Variants in ABLIM3 observed in about 807,000 individuals in gnomAD.
The protein encoded by ABLIM3 is actin binding LIM protein family member 3.
A neutral mutation model predicts 109.5 loss-of-function variants in ABLIM3; 61 were observed. The ratio of observed to expected loss-of-function variants is 0.56; its 90% CI spans 0.45 to 0.69. The LOEUF is 0.69. Ranked by LOEUF, ABLIM3 falls within the 30% of genes least tolerant of loss-of-function variation. The pLI is 0.00. For synonymous variants in ABLIM3, 300 were observed against 324.8 expected (o/e 0.92, Z 0.82); for missense variants, 796 against 889.5 (o/e 0.89, Z 1.34).
intron 8 of ABLIM3, among the ~76,000 whole-genome samples, chr5:149,227,262 T>C (rs1761401447): frequency 6.6e-6 from 1 of 152,096 alleles, no homozygotes; most frequent in Non-Finnish European, 1.5e-5. Context: ...GGCTGACAGA[T>C]AGTTTTGGAG....
At chr5:149,211,831 G>A (rs1429191054) in intron 7 of ABLIM3, among the ~76,000 whole-genome samples, 1 of 152,090 alleles carries the variant, frequency 6.6e-6, no homozygotes, top group Non-Finnish European at 1.5e-5. Flanking sequence ...GGTGGGAAAA[G>A]ATAGAGGAAG....
At chr5:149,185,169 T>C (rs1756840918) in intron 3 of ABLIM3, among the ~76,000 whole-genome samples, 1 of 152,218 alleles carries the variant, frequency 6.6e-6, no homozygotes, top group South Asian at 2.1e-4. Flanking sequence ...GTTTATTTAG[T>C]TCATGATTCT....
At chr5:149,154,581 T>C (rs1325250355) in intron 2 of ABLIM3, among the ~76,000 whole-genome samples, 3 of 152,266 alleles carry the variant, frequency 2.0e-5, no homozygotes, top group African/African-American at 4.8e-5. Context: ...TTTTATTTAA[T>C]CCTTACAACA....
At chr5:149,236,374 G>T (rs1752187797) in intron 10 of ABLIM3, among the ~76,000 whole-genome samples, 1 of 152,116 alleles carries the variant, frequency 6.6e-6, no homozygotes, top group Non-Finnish European at 1.5e-5. Flanking sequence ...GGCATTGGGA[G>T]AATGTTATCA....
chr5:149,178,093 G>C (rs934323979), intron 2 of ABLIM3, among the ~76,000 whole-genome samples: 1 of 152,152 alleles, frequency 6.6e-6, no homozygotes, highest in Non-Finnish European at 1.5e-5. Flanking sequence ...TGGCCTCACT[G>C]TAGGAAACAG....
At chr5:149,195,879 G>T (rs996279410) in intron 3 of ABLIM3, among the ~76,000 whole-genome samples, 5 of 152,178 alleles carry the variant, frequency 3.3e-5, no homozygotes, top group Admixed American at 1.3e-4. Context: ...GTAGGGGTGG[G>T]GTCGGGGGCC....
chr5:149,253,001 C>T (rs549884228), intron 23 of ABLIM3, among the ~76,000 whole-genome samples, 164 bp downstream of exon 23: 1 of 152,260 alleles, frequency 6.6e-6, no homozygotes, highest in Admixed American at 6.5e-5. Flanking sequence ...CAAAACTTCC[C>T]CATACTATTC....
intron 2 of ABLIM3, among the ~76,000 whole-genome samples, chr5:149,178,031 C>CAGGTTACCCCA (rs1452300474): frequency 1.3e-5 from 2 of 152,168 alleles, no homozygotes; most frequent in Non-Finnish European, 2.9e-5. Flanking sequence ...ATTCCTTACC[C>CAGGTTACCCCA]GCTGTGTCGT....
At chr5:149,178,980 A>C (rs928565487) in intron 2 of ABLIM3, among the ~76,000 whole-genome samples, 1 of 152,208 alleles carries the variant, frequency 6.6e-6, no homozygotes, top group African/African-American at 2.4e-5. Context: ...CCCCAGCCAC[A>C]CGGAGACAAA....
chr5:149,153,668 A>T (rs890532539), intron 2 of ABLIM3, among the ~76,000 whole-genome samples: 3 of 152,218 alleles, frequency 2.0e-5, no homozygotes, highest in Admixed American at 6.5e-5. Context: ...GACTTGAAAC[A>T]TGCTGGGGAG....
chr5:149,216,760 A>G lies in ABLIM3; in HGVS notation c.670-199A>G. ...CAGGGAAGTCCCCTGAACTGCCATC[A>G]GGGATCCATGGAGTGAATCACGAAG... On this transcript the variant is annotated intron_variant, in intron 7 of 23. Coordinates refer to ENST00000309868, the MANE Select transcript of ABLIM3 (RefSeq NM_014945.5). 4 of 573,308 alleles carry G rather than the reference A, an allele frequency of 7.0e-6. No individual in the cohort carries two copies. In the South Asian group the frequency reaches 9.1e-5, roughly 13 times the overall value. The allele number at this position is 573,308 out of a possible 1,614,324, so 35.5% of individuals were successfully genotyped here.
intron 20 of ABLIM3, among the ~76,000 whole-genome samples, chr5:149,250,725 G>A (rs1050680576): frequency 2.0e-5 from 3 of 152,140 alleles, no homozygotes; most frequent in Non-Finnish European, 4.4e-5. Flanking sequence ...TACTTATTGG[G>A]CAATAACCCT....
At chr5:149,221,090 G>C (rs987211434) in intron 8 of ABLIM3, among the ~76,000 whole-genome samples, 3 of 152,218 alleles carry the variant, frequency 2.0e-5, no homozygotes, top group Non-Finnish European at 4.4e-5. Context: ...CCCCTAAAAA[G>C]GGATATTTCA....
chr5:149,247,608 A>G (rs1417888475), intron 17 of ABLIM3, 174 bp from the exon 18 acceptor site: 3 of 882,400 alleles, frequency 3.4e-6, no homozygotes, highest in Non-Finnish European at 5.5e-6. Flanking sequence ...TGTGGAAGAC[A>G]AGATGAGATT....
intron 8 of ABLIM3, among the ~76,000 whole-genome samples, chr5:149,224,443 T>G (rs1350207757): frequency 6.6e-6 from 1 of 152,150 alleles, no homozygotes; most frequent in Non-Finnish European, 1.5e-5. Context: ...TCCAGGCAAG[T>G]AGGTCTTTCC....
In ABLIM3 at chr5:149,175,636, G is replaced by C. The variant is rs186818901; in HGVS notation, c.14-7816G>C. On this transcript the variant is annotated intron_variant, in intron 2 of 23. Transcript: ENST00000309868. ...GGAAGGAGGGGCGGGCAATCCGGCA[G>C]CTGAAACTTCATTTTCTCTTATCTT... Among the ~76,000 whole-genome samples the C allele has an allele frequency of 3.3e-5, 5 of 152,294 alleles. No individual in the cohort carries two copies. In the East Asian group the frequency reaches 9.6e-4, roughly 29 times the overall value.
At position 149,222,101 on chromosome 5, in the gene ABLIM3, G is replaced by A. The variant is rs141124391; in HGVS notation, c.757+5055G>A. ...AATTATAGGTCTCACCAATAATAAT[G>A]ATAATAATAAAAATATTAATAATAA... is the stretch of plus-strand genomic sequence containing the variant. On this transcript the variant is annotated intron_variant, in intron 8 of 23. Transcript: ENST00000309868. Among the ~76,000 whole-genome samples, 39 of 150,618 alleles carry A rather than the reference G, an allele frequency of 2.6e-4. No homozygotes were observed. In the East Asian group the frequency reaches 7.2e-3, roughly 28 times the overall value.
intron 21 of ABLIM3, among the ~76,000 whole-genome samples, chr5:149,251,999 T>C (rs1269772495): frequency 6.6e-6 from 1 of 152,214 alleles, no homozygotes; most frequent in African/African-American, 2.4e-5. Context: ...GCCCAACCCC[T>C]ATCTTCAGCC....
intron 23 of ABLIM3, 107 bp downstream of exon 23, chr5:149,252,944 C>A: frequency 1.2e-6 from 1 of 810,932 alleles, no homozygotes; most frequent in Non-Finnish European, 2.0e-6. Flanking sequence ...GCTTTAAGAT[C>A]ACACAGCTTA....
Sources: allele counts gnomAD v4.1 joint callset (sites outside exome capture counted in the v4.1 genomes callset), GRCh38; gene constraint gnomAD v4.1.1; transcripts MANE v1.5; gene names NCBI Gene and HGNC (gene_info 2026-07-23, HGNC 2026-07-21).